The following KSR2 variants were observed in gnomAD, a reference collection of about 807,000 sequenced individuals.
KSR2 encodes kinase suppressor of ras 2.
Under a neutral mutation model 107.8 loss-of-function variants are expected in KSR2, and 25 were observed. The ratio of observed to expected loss-of-function variants is 0.23; its 90% CI spans 0.17 to 0.32. The LOEUF (loss-of-function observed/expected upper bound fraction) is 0.32, where lower values mean the gene tolerates loss of function less well. Among genes scored for constraint, KSR2 ranks in the 10% least tolerant of loss-of-function variants. The pLI is 1.00. For missense variants in KSR2, 887 were observed against 1,268.9 expected (o/e 0.70, Z 4.57); for synonymous variants, 480 against 507.0 (o/e 0.95, Z 0.71).
chr12:117,610,501 A>G lies in KSR2; in HGVS notation c.1172-28142T>C, dbSNP rs576844673. Among the ~76,000 whole-genome samples the G allele has an allele frequency of 7.2e-5, 11 of 152,232 alleles. No individual in the cohort carries two copies. The East Asian group carries it at 2.1e-3, about 29-fold the overall frequency. ...ACGTCTGTAATCCCAGCACTCTTGGAAGCTGAGGCAGGCAGATAGGCAGAT... is the reference window on the plus strand; with the variant it reads ...ACGTCTGTAATCCCAGCACTCTTGGGAGCTGAGGCAGGCAGATAGGCAGAT... On this transcript the variant is annotated intron_variant, in intron 5 of 19. Transcript: ENST00000339824.
In KSR2 at chr12:117,762,236, A is replaced by G. The variant is rs373842567; in HGVS notation, c.473-712T>C. On this transcript the variant is annotated intron_variant, in intron 3 of 19. Transcript: ENST00000339824. ...CTTTAAAGGATAACTTTTCCCTTAC[A>G]TGGAAATTTTAATACCTAACCCTCA... Among the ~76,000 whole-genome samples, 6 of 152,368 alleles carry G rather than the reference A, an allele frequency of 3.9e-5. No individual in the cohort carries two copies. The East Asian group carries it at 9.6e-4, about 24-fold the overall frequency.
At chr12:117,916,382 C>A (rs544027534) in intron 1 of KSR2, among the ~76,000 whole-genome samples, 1 of 152,180 alleles carries the variant, frequency 6.6e-6, no homozygotes, top group Admixed American at 6.5e-5. Context: ...GGTGATCCGC[C>A]CGCCTCATCC....
intron 5 of KSR2, among the ~76,000 whole-genome samples, chr12:117,649,940 A>G: frequency 6.6e-6 from 1 of 152,208 alleles, no homozygotes; most frequent in East Asian, 1.9e-4. Flanking sequence ...GTCTTTGAAG[A>G]CAGGGACCCC....
chr12:117,888,928 C>T (rs1022435515), intron 1 of KSR2, among the ~76,000 whole-genome samples: 1 of 152,124 alleles, frequency 6.6e-6, no homozygotes, highest in East Asian at 1.9e-4. Context: ...AATATGAATG[C>T]ACTTAATGCC....
intron 3 of KSR2, among the ~76,000 whole-genome samples, chr12:117,814,865 T>C (rs1036277139): frequency 6.6e-6 from 1 of 152,250 alleles, no homozygotes; most frequent in African/African-American, 2.4e-5. Flanking sequence ...TAAGTATCTA[T>C]AGGAGGAAAA....
At chr12:117,544,258 G>A (rs555522350) in intron 9 of KSR2, among the ~76,000 whole-genome samples, 1 of 152,192 alleles carries the variant, frequency 6.6e-6, no homozygotes, top group South Asian at 2.1e-4. Flanking sequence ...TTTCCATTTT[G>A]TTCAGCAATT....
At chr12:117,774,745 G>A (rs578186450) in intron 3 of KSR2, among the ~76,000 whole-genome samples, 4 of 152,236 alleles carry the variant, frequency 2.6e-5, no homozygotes, top group South Asian at 2.1e-4. Flanking sequence ...TTGTGTAACC[G>A]CCACCTCTAT....
intron 1 of KSR2, among the ~76,000 whole-genome samples, chr12:117,953,454 C>T (rs1896422902): frequency 6.6e-6 from 1 of 152,180 alleles, no homozygotes; most frequent in South Asian, 2.1e-4. Flanking sequence ...TAGATGAATA[C>T]ACAAATGCTG....
chr12:117,887,421 A>G (rs1403087085), intron 1 of KSR2, among the ~76,000 whole-genome samples: 1 of 152,024 alleles, frequency 6.6e-6, no homozygotes, highest in Non-Finnish European at 1.5e-5. Flanking sequence ...CTTTCCATCA[A>G]GAGACTAAGA....
intron 7 of KSR2, among the ~76,000 whole-genome samples, chr12:117,571,786 C>T (rs746705716): frequency 1.3e-5 from 2 of 152,130 alleles, no homozygotes; most frequent in Admixed American, 6.5e-5. Flanking sequence ...GCAGGTGACT[C>T]GGAGAATATC....
At chr12:117,704,888 G>C (rs1248645135) in intron 4 of KSR2, among the ~76,000 whole-genome samples, 1 of 151,514 alleles carries the variant, frequency 6.6e-6, no homozygotes, top group Non-Finnish European at 1.5e-5. Flanking sequence ...CAATGAAGAA[G>C]GATCTGGGGA....
chr12:117,690,169 C>T (rs1885754067), intron 4 of KSR2, among the ~76,000 whole-genome samples: 1 of 152,172 alleles, frequency 6.6e-6, no homozygotes, highest in South Asian at 2.1e-4. Context: ...AATACCAAGT[C>T]CACGAGGGCA....
At chr12:117,652,279 A>G (rs146542995) in intron 5 of KSR2, among the ~76,000 whole-genome samples, 9,194 of 152,210 alleles carry the variant, frequency 0.06, 389 homozygotes, top group Non-Finnish European at 0.094. Context: ...CATGTAACCA[A>G]ATACCACCTG....
chr12:117,659,914 C>G (rs563316562), intron 5 of KSR2, among the ~76,000 whole-genome samples: 22 of 152,342 alleles, frequency 1.4e-4, no homozygotes, highest in South Asian at 8.3e-4. Flanking sequence ...AACTTCTGAA[C>G]AAATCAAACA....
chr12:117,635,923 C>T (rs1883048816), intron 5 of KSR2, among the ~76,000 whole-genome samples: 1 of 152,014 alleles, frequency 6.6e-6, no homozygotes, highest in South Asian at 2.1e-4. Context: ...TCCTGAGTAG[C>T]TAGGATTACA....
intron 1 of KSR2, among the ~76,000 whole-genome samples, chr12:117,875,877 A>C (rs1003523330): frequency 6.6e-6 from 1 of 151,272 alleles, no homozygotes; most frequent in Non-Finnish European, 1.5e-5. Flanking sequence ...ACCACCACAC[A>C]CCCATCATGT....
chr12:117,909,479 A>G (rs1894951705), intron 1 of KSR2, among the ~76,000 whole-genome samples: 1 of 152,214 alleles, frequency 6.6e-6, no homozygotes, highest in Admixed American at 6.5e-5. Context: ...GATATTGTTT[A>G]CCGAAGTGTG....
chr12:117,805,602 C>T (rs147308704), intron 3 of KSR2, among the ~76,000 whole-genome samples: 16 of 152,184 alleles, frequency 1.1e-4, no homozygotes, highest in African/African-American at 2.7e-4. Flanking sequence ...GAATTTGCAC[C>T]GTGAGGATTT....
At chr12:117,670,063 C>A (rs927674257) in intron 4 of KSR2, among the ~76,000 whole-genome samples, 1 of 152,094 alleles carries the variant, frequency 6.6e-6, no homozygotes, top group Non-Finnish European at 1.5e-5. Flanking sequence ...TTCCAACAGG[C>A]CCTCTCATAC....
Sources: gnomAD v4.1 joint callset for allele counts (sites outside exome capture counted in the v4.1 genomes callset) on GRCh38, gnomAD v4.1.1 for gene constraint, MANE v1.5 for transcripts, NCBI Gene and HGNC (gene_info 2026-07-23, HGNC 2026-07-21) for gene names.